The following MARCHF1 variants were observed in gnomAD, a reference collection of about 807,000 sequenced individuals.
MARCHF1 encodes E3 ubiquitin-protein ligase MARCHF1.
Under a neutral mutation model 54.2 loss-of-function variants are expected in MARCHF1, and 40 were observed. The ratio of observed to expected loss-of-function variants is 0.74; its 90% CI spans 0.57 to 0.96. MARCHF1 has a LOEUF of 0.96. Ranked by LOEUF, MARCHF1 falls within the 40% of genes least tolerant of loss-of-function variation. The pLI is 0.00. For missense variants in MARCHF1, 586 were observed against 656.5 expected, an observed-to-expected ratio of 0.89 and a Z score of 1.17; for synonymous variants, 236 against 236.3, an observed-to-expected ratio of 1.00 and a Z score of 0.01.
intron 1 of MARCHF1, among the ~76,000 whole-genome samples, chr4:164,270,751 G>A (rs1049609396): frequency 6.6e-6 from 1 of 152,144 alleles, no homozygotes; most frequent in African/African-American, 2.4e-5. Flanking sequence ...AGGAAAAGAG[G>A]AAGGGATATA....
intron 4 of MARCHF1, among the ~76,000 whole-genome samples, chr4:163,784,966 C>T (rs1747574952): frequency 6.6e-6 from 1 of 152,094 alleles, no homozygotes; most frequent in Admixed American, 6.6e-5. Context: ...CTGTAGGCCT[C>T]TCAACCTCTT....
chr4:164,266,288 G>A (rs1733609081), intron 1 of MARCHF1, among the ~76,000 whole-genome samples: 1 of 151,970 alleles, frequency 6.6e-6, no homozygotes, highest in African/African-American at 2.4e-5. Context: ...TAGAAAACTT[G>A]GACAATAGCA....
At chr4:163,967,597 T>C (rs950479343) in intron 3 of MARCHF1, among the ~76,000 whole-genome samples, 12 of 152,172 alleles carry the variant, frequency 7.9e-5, no homozygotes, top group African/African-American at 2.7e-4. Context: ...TGGAGGATCA[T>C]TCGTAGACAG....
intron 3 of MARCHF1, among the ~76,000 whole-genome samples, chr4:163,889,992 T>C (rs1433674819): frequency 6.7e-6 from 1 of 148,554 alleles, no homozygotes; most frequent in Non-Finnish European, 1.5e-5. Flanking sequence ...TGGCACTGTT[T>C]CGGCTCACTG....
chr4:164,062,458 A>G (rs1277196687), intron 2 of MARCHF1, among the ~76,000 whole-genome samples: 1 of 152,184 alleles, frequency 6.6e-6, no homozygotes, highest in Non-Finnish European at 1.5e-5. Flanking sequence ...GACTTTGTCC[A>G]GATCCATCAG....
intron 2 of MARCHF1, among the ~76,000 whole-genome samples, chr4:164,045,255 T>A (rs1469195900): frequency 6.6e-6 from 1 of 152,124 alleles, no homozygotes; most frequent in Non-Finnish European, 1.5e-5. Flanking sequence ...CTCACACCTG[T>A]AATACTTTCA....
At chr4:163,845,732 ACTC>A (rs1749466887) in intron 4 of MARCHF1, among the ~76,000 whole-genome samples, 1 of 152,122 alleles carries the variant, frequency 6.6e-6, no homozygotes, top group Non-Finnish European at 1.5e-5. Flanking sequence ...TCATGACTTT[ACTC>A]CGTAGAGGAA....
At position 164,035,930 on chromosome 4, in the gene MARCHF1, TAAAA is replaced by T. The variant is rs35474146; in HGVS notation, c.-247-47225_-247-47222del. Among the ~76,000 whole-genome samples the T allele has an allele frequency of 4.0e-3, 472 of 116,606 alleles. 2 individuals are homozygous for T. Among genetic ancestry groups the T allele is most frequent in the African/African-American group, 0.013 (402 of 30,722 alleles). 76.5% of individuals were successfully genotyped at this position (116,606 alleles called of 152,430 possible). On this transcript the variant is annotated intron_variant, in intron 2 of 9. Transcript: ENST00000514618. The stretch of plus-strand genomic sequence containing the variant: ...ACCTCGTCTCTACTAAAACTAAAAC[TAAAA>T]AAAAAAAAAAAAAAAAAAATTAACC...
chr4:163,876,408 G>A (rs1198975551), intron 3 of MARCHF1, among the ~76,000 whole-genome samples: 1 of 152,112 alleles, frequency 6.6e-6, no homozygotes, highest in Non-Finnish European at 1.5e-5. Context: ...TATAAAGATT[G>A]ACTTCAGAAT....
At chr4:164,152,895 CCA>C (rs986363471) in intron 1 of MARCHF1, among the ~76,000 whole-genome samples, 4 of 152,146 alleles carry the variant, frequency 2.6e-5, no homozygotes, top group African/African-American at 9.6e-5. Flanking sequence ...CCCACCCACC[CCA>C]GTTTGAGTCG....
At chr4:164,097,136 G>C (rs1755433362) in intron 2 of MARCHF1, among the ~76,000 whole-genome samples, 1 of 152,106 alleles carries the variant, frequency 6.6e-6, no homozygotes, top group African/African-American at 2.4e-5. Flanking sequence ...TGTAATGCAA[G>C]TCTCACAACA....
chr4:163,977,602 A>G (rs1052056427), intron 3 of MARCHF1, among the ~76,000 whole-genome samples: 2 of 152,186 alleles, frequency 1.3e-5, no homozygotes, highest in Non-Finnish European at 2.9e-5. Flanking sequence ...AACAAAAAAA[A>G]ACTTCACAGA....
chr4:163,998,275 G>A (rs544295596), intron 2 of MARCHF1, among the ~76,000 whole-genome samples: 2 of 151,356 alleles, frequency 1.3e-5, no homozygotes, highest in South Asian at 4.2e-4. Context: ...CATTGTAACA[G>A]TCATTCAGAT....
chr4:163,672,180 GATAATATTATT>G (rs1743760667), intron 5 of MARCHF1, among the ~76,000 whole-genome samples: 1 of 152,228 alleles, frequency 6.6e-6, no homozygotes, highest in Non-Finnish European at 1.5e-5. Context: ...ATAAAATTGG[GATAATATTATT>G]CACCCCATAG....
intron 5 of MARCHF1, among the ~76,000 whole-genome samples, chr4:163,633,460 A>T (rs529089743): frequency 7.9e-5 from 12 of 152,376 alleles, no homozygotes; most frequent in African/African-American, 2.9e-4. Flanking sequence ...CAGAAGCCTC[A>T]GGAGCCGATG....
At position 164,008,407 on chromosome 4, in the gene MARCHF1, T is replaced by G. The variant is rs116575569; in HGVS notation, c.-247-19698A>C. Reference sequence around the variant, plus strand: ...AGTAGGCAACTTTAACACCACACTCTCAGTAATGGACAAGTCATCTAGACA... The same window carrying G: ...AGTAGGCAACTTTAACACCACACTCGCAGTAATGGACAAGTCATCTAGACA... On this transcript the variant is annotated intron_variant, in intron 2 of 9. Coordinates refer to ENST00000514618, the MANE Select transcript of MARCHF1 (RefSeq NM_001394959.1). Among the ~76,000 whole-genome samples the G allele has an allele frequency of 5.7e-4, 87 of 152,070 alleles. 1 individual carries two copies. Among genetic ancestry groups the G allele is most frequent in the African/African-American group, 2.1e-3 (87 of 41,500 alleles).
rs1261027436 is a variant in MARCHF1, at chr4:163,771,406, G to A, written c.112-70543C>T. 2.0e-5 allele frequency among the ~76,000 whole-genome samples: 3 copies of A among 152,200 alleles called. No individual in the cohort carries two copies. The South Asian group carries it at 6.2e-4, about 31-fold the overall frequency. On this transcript the variant is annotated intron_variant, in intron 4 of 9. Transcript: ENST00000514618. ...GCTGTATCAAAATACCAGCAACTGG[G>A]TAGCTCATAACAACAGGAATTTCTC...
intron 2 of MARCHF1, among the ~76,000 whole-genome samples, chr4:164,015,030 C>T (rs1170008609): frequency 2.0e-5 from 3 of 151,984 alleles, no homozygotes; most frequent in Non-Finnish European, 4.4e-5. Flanking sequence ...ACCAAATGGA[C>T]CTAATAGACA....
In MARCHF1 at chr4:164,143,555, T is replaced by C. The variant is rs1454653755; in HGVS notation, c.-322-31893A>G. Among the ~76,000 whole-genome samples, 191 of 151,560 alleles carry C rather than the reference T, an allele frequency of 1.3e-3. 1 individual carries two copies. The highest frequency in any genetic ancestry group is 4.0e-3 in the African/African-American group (166 of 41,324). On this transcript the variant is annotated intron_variant, in intron 1 of 9. Coordinates refer to ENST00000514618, the MANE Select transcript of MARCHF1 (RefSeq NM_001394959.1). ...AGAAAAGAATTTTCAACCCAGAATT[T>C]CATATCCAGCCAAACTAAGCTTCAT...
Sources: gnomAD v4.1 joint callset for allele counts (sites outside exome capture counted in the v4.1 genomes callset) on GRCh38, gnomAD v4.1.1 for gene constraint, MANE v1.5 for transcripts, NCBI Gene and HGNC (gene_info 2026-07-23, HGNC 2026-07-21) for gene names.